Variants in LOXHD1 observed in about 807,000 individuals in gnomAD.
LOXHD1 encodes the protein lipoxygenase homology PLAT domains 1, also known as lipoxygenase homology domain-containing protein 1.
Under a neutral mutation model 248.2 loss-of-function variants are expected in LOXHD1, and 205 were observed. That is an observed-to-expected ratio of 0.83 (90% confidence interval 0.74 to 0.93). The LOEUF is 0.93. Among genes scored for constraint, LOXHD1 ranks in the 40% least tolerant of loss-of-function variants. LOXHD1 has a pLI of 0.00. For missense variants in LOXHD1, 2,930 were observed against 2,971.6 expected (o/e 0.99, Z 0.33); for synonymous variants, 1,113 against 1,162.8 (o/e 0.96, Z 0.87).
chr18:46,553,090 G>T (rs933373138), intron 21 of LOXHD1, among the ~76,000 whole-genome samples: 1 of 152,190 alleles, frequency 6.6e-6, no homozygotes, highest in Non-Finnish European at 1.5e-5. Flanking sequence ...GTGCCTTGTA[G>T]TCACCTGTGT....
intron 37 of LOXHD1, among the ~76,000 whole-genome samples, chr18:46,502,661 A>G (rs2034309406): frequency 6.6e-6 from 1 of 152,106 alleles, no homozygotes; most frequent in Non-Finnish European, 1.5e-5. Context: ...CTGCCCCAAG[A>G]CTGCTGAGTG....
At chr18:46,611,682 A>G (rs2038510798) in intron 5 of LOXHD1, among the ~76,000 whole-genome samples, 1 of 152,148 alleles carries the variant, frequency 6.6e-6, no homozygotes, top group South Asian at 2.1e-4. Flanking sequence ...AAAATAATAT[A>G]AGACATTCAT....
intron 7 of LOXHD1, 130 bp downstream of exon 7, chr18:46,603,976 A>G (rs1015954272): frequency 4.4e-5 from 55 of 1,239,754 alleles, no homozygotes; most frequent in Non-Finnish European, 5.8e-5. Context: ...TTTCAGGAGC[A>G]GGAGGAATGC....
At chr18:46,576,554 G>A (rs986677153) in intron 14 of LOXHD1, among the ~76,000 whole-genome samples, 4 of 152,166 alleles carry the variant, frequency 2.6e-5, no homozygotes, top group Non-Finnish European at 4.4e-5. Flanking sequence ...AGGCCCAGGT[G>A]CACTTCCATC....
chr18:46,641,843 T>C (rs1285700570), intron 3 of LOXHD1, 113 bp downstream of exon 3: 1 of 1,063,702 alleles, frequency 9.4e-7, no homozygotes, highest in Non-Finnish European at 1.4e-6. Flanking sequence ...GGGCCTTTGG[T>C]AGCCCCTCAA....
At chr18:46,546,048 C>T (rs1598967806) in intron 22 of LOXHD1, among the ~76,000 whole-genome samples, 1 of 152,046 alleles carries the variant, frequency 6.6e-6, no homozygotes, top group East Asian at 1.9e-4. Flanking sequence ...AGGAAGCCTT[C>T]AATCAATAGA....
chr18:46,643,973 G>A (rs932906931), intron 2 of LOXHD1, among the ~76,000 whole-genome samples: 1 of 152,192 alleles, frequency 6.6e-6, no homozygotes, highest in Non-Finnish European at 1.5e-5. Flanking sequence ...AAAAACAATG[G>A]AGTGAGAAGA....
intron 18 of LOXHD1, among the ~76,000 whole-genome samples, chr18:46,562,162 T>C (rs2037543015): frequency 6.6e-6 from 1 of 152,228 alleles, no homozygotes; most frequent in Admixed American, 6.5e-5. Flanking sequence ...CTCTGCCTCC[T>C]CAGCAGTGTA....
At chr18:46,583,844 T>C (rs2038008345) in intron 12 of LOXHD1, among the ~76,000 whole-genome samples, 1 of 53,974 alleles carries the variant, frequency 1.9e-5, no homozygotes, top group African/African-American at 4.8e-5. Context: ...TGGGTATATA[T>C]CCAAAAAAAA....
Position 46,566,240 on chromosome 18 carries a change from C to G in LOXHD1, c.2437+17G>C, listed in dbSNP as rs931475305. On this transcript the variant is annotated intron_variant, in intron 17 of 40. Coordinates refer to ENST00000642948, the MANE Select transcript of LOXHD1 (RefSeq NM_001384474.1). ...CATGGGAAACAATGGGTGGTCCCACCACAGCCTCCTCCATACATTTCTGGA... is the reference window on the plus strand; with the variant it reads ...CATGGGAAACAATGGGTGGTCCCACGACAGCCTCCTCCATACATTTCTGGA... 5.2e-6 allele frequency: 8 copies of G among 1,536,960 alleles called. No individual in the cohort carries two copies. The highest frequency in any genetic ancestry group is 2.0e-5 in the Admixed American group (1 of 50,638).
intron 37 of LOXHD1, among the ~76,000 whole-genome samples, chr18:46,495,578 T>C (rs2033807765): frequency 6.6e-6 from 1 of 152,214 alleles, no homozygotes. Context: ...TAATGGGATT[T>C]CTGTGTACTT....
At chr18:46,570,134 A>G (rs2037722774) in intron 15 of LOXHD1, among the ~76,000 whole-genome samples, 1 of 152,230 alleles carries the variant, frequency 6.6e-6, no homozygotes, top group African/African-American at 2.4e-5. Flanking sequence ...TGTTTGGTGC[A>G]AGATGGCAAC....
intron 37 of LOXHD1, 146 bp downstream of exon 37, chr18:46,505,692 A>C: frequency 1.3e-6 from 1 of 777,218 alleles, no homozygotes; most frequent in East Asian, 2.7e-5. Context: ...TACTGATGGA[A>C]GCATCAATGT....
chr18:46,589,476 G>T (rs1428046008), intron 12 of LOXHD1, among the ~76,000 whole-genome samples: 1 of 152,192 alleles, frequency 6.6e-6, no homozygotes, highest in African/African-American at 2.4e-5. Context: ...GTGAGCACCA[G>T]GATGCAGGTG....
At chr18:46,559,272 A>G (rs1362893553) in intron 20 of LOXHD1, 176 bp downstream of exon 20, 38 of 1,532,178 alleles carry the variant, frequency 2.5e-5, no homozygotes, top group Non-Finnish European at 3.3e-5. Flanking sequence ...CAATTCTCTC[A>G]TAACCCCTCC....
At chr18:46,580,188 G>A (rs1469778428) in intron 12 of LOXHD1, among the ~76,000 whole-genome samples, 4 of 152,184 alleles carry the variant, frequency 2.6e-5, no homozygotes, top group Non-Finnish European at 5.9e-5. Context: ...AGCTTTCTTG[G>A]GGGACTCTGA....
intron 33 of LOXHD1, 75 bp from the exon 34 acceptor site, chr18:46,518,331 A>T: frequency 6.7e-7 from 1 of 1,496,122 alleles, no homozygotes; most frequent in Non-Finnish European, 9.0e-7. Flanking sequence ...CAGTCTCACC[A>T]GAGAAAGAGA....
chr18:46,487,283 T>G (rs2143594265), intron 38 of LOXHD1, among the ~76,000 whole-genome samples: 1 of 152,314 alleles, frequency 6.6e-6, no homozygotes, highest in South Asian at 2.1e-4. Flanking sequence ...AATCTTGCCT[T>G]CATCCTGGGC....
At chr18:46,653,737 A>G (rs962843286) in intron 1 of LOXHD1, among the ~76,000 whole-genome samples, 1 of 152,240 alleles carries the variant, frequency 6.6e-6, no homozygotes, top group African/African-American at 2.4e-5. Context: ...GCCCAGTTCT[A>G]CCATTATTGG....
Sources: allele counts gnomAD v4.1 joint callset (sites outside exome capture counted in the v4.1 genomes callset), GRCh38; gene constraint gnomAD v4.1.1; transcripts MANE v1.5; gene names NCBI Gene and HGNC (gene_info 2026-07-23, HGNC 2026-07-21).